Variants in LYZL4 observed in about 807,000 individuals in gnomAD.
LYZL4 encodes the protein lysozyme like 4.
LYZL4 carries 13 observed loss-of-function variants against 17.6 expected under a neutral mutation model. The ratio of observed to expected loss-of-function variants is 0.74; its 90% CI spans 0.48 to 1.18. The LOEUF (loss-of-function observed/expected upper bound fraction) is 1.18, where lower values mean the gene tolerates loss of function less well. Ranked by LOEUF, LYZL4 falls within the 50% of genes most tolerant of loss-of-function variation. LYZL4 has a pLI of 0.00. For missense variants in LYZL4, 174 were observed against 188.2 expected, an observed-to-expected ratio of 0.92 and a Z score of 0.44; for synonymous variants, 64 against 67.7, an observed-to-expected ratio of 0.95 and a Z score of 0.27.
chr3:42,369,779 T>C, the LYZL4 span, among the ~76,000 whole-genome samples: 1 of 152,140 alleles, frequency 6.6e-6, no homozygotes, highest in Non-Finnish European at 1.5e-5. Context: ...CATGATCTGA[T>C]CTCTTGGGAC....
chr3:42,366,321 C>T, the LYZL4 span, among the ~76,000 whole-genome samples: 1 of 152,174 alleles, frequency 6.6e-6, no homozygotes. Flanking sequence ...AGCCACTGCC[C>T]ATTGCCAGAA....
At chr3:42,407,996 G>A (rs545814785) in intron 1 of LYZL4, among the ~76,000 whole-genome samples, 18 of 152,188 alleles carry the variant, frequency 1.2e-4, no homozygotes, top group South Asian at 2.1e-4. Context: ...GGAGGGGAGC[G>A]CACTCAGAGA....
chr3:42,407,319 G>C lies in LYZL4; in HGVS notation c.-68C>G. 7.5e-6 allele frequency: 12 copies of C among 1,606,318 alleles called. No individual in the cohort carries two copies. Among genetic ancestry groups the C allele is most frequent in the Non-Finnish European group, 1.0e-5 (12 of 1,176,570 alleles). Reference sequence around the variant, plus strand: ...GAGTGGGTGGAGTCACAGGGACACTGGTTCTCTGAAGGGAAAGAAGGGCAC... The same window carrying C: ...GAGTGGGTGGAGTCACAGGGACACTCGTTCTCTGAAGGGAAAGAAGGGCAC... On this transcript the variant is annotated 5_prime_UTR_variant, in exon 2 of 5. Coordinates refer to ENST00000287748, the MANE Select transcript of LYZL4 (RefSeq NM_144634.4).
At chr3:42,362,927 A>G in the LYZL4 span, among the ~76,000 whole-genome samples, 4 of 152,186 alleles carry the variant, frequency 2.6e-5, no homozygotes, top group Non-Finnish European at 5.9e-5. Flanking sequence ...CTAACACTAC[A>G]TATCTCCTGA....
the LYZL4 span, among the ~76,000 whole-genome samples, chr3:42,360,779 AG>A: frequency 5.2e-4 from 77 of 149,444 alleles, no homozygotes; most frequent in Non-Finnish European, 9.0e-4. Context: ...ATTTATATGC[AG>A]TTTTTTTTTT....
chr3:42,366,886 T>C, the LYZL4 span, among the ~76,000 whole-genome samples: 1 of 152,210 alleles, frequency 6.6e-6, no homozygotes, highest in Admixed American at 6.5e-5. Flanking sequence ...CACACTGGTG[T>C]CTGTGTCTGT....
the LYZL4 span, among the ~76,000 whole-genome samples, chr3:42,372,026 T>C: frequency 1.3e-5 from 2 of 152,202 alleles, no homozygotes; most frequent in South Asian, 4.1e-4. Context: ...CCTGCCTCTG[T>C]GGGCTGGAGC....
intron 1 of LYZL4, among the ~76,000 whole-genome samples, chr3:42,409,183 A>G (rs906384875): frequency 6.6e-6 from 1 of 152,186 alleles, no homozygotes; most frequent in South Asian, 2.1e-4. Context: ...TCTTAGACAA[A>G]TTGCTCAACC....
chr3:42,400,216 C>T (rs951214779), intron 4 of LYZL4, among the ~76,000 whole-genome samples: 1 of 152,142 alleles, frequency 6.6e-6, no homozygotes, highest in South Asian at 2.1e-4. Flanking sequence ...TCTCCCCCAC[C>T]ACCCTACACT....
the LYZL4 span, among the ~76,000 whole-genome samples, chr3:42,386,245 G>A: frequency 6.6e-6 from 1 of 152,146 alleles, no homozygotes; most frequent in Non-Finnish European, 1.5e-5. Flanking sequence ...TGGGATTACA[G>A]GCACCTGCCA....
At chr3:42,396,206 A>G (rs1436737332), downstream of LYZL4, among the ~76,000 whole-genome samples, 1 of 152,238 alleles carries the variant, frequency 6.6e-6, no homozygotes, top group Admixed American at 6.5e-5. Flanking sequence ...CATGTGACTG[A>G]CAGGCTTTCT....
the LYZL4 span, among the ~76,000 whole-genome samples, chr3:42,387,583 G>GCCGCAACATTCCCGCTTTGACGATT: frequency 6.6e-6 from 1 of 151,716 alleles, no homozygotes; most frequent in Admixed American, 6.6e-5. Context: ...ACCCCTCATC[G>GCCGCAACATTCCCGCTTTGACGATT]CCGTCCCTGC....
chr3:42,386,773 T>C, the LYZL4 span, among the ~76,000 whole-genome samples: 1 of 152,218 alleles, frequency 6.6e-6, no homozygotes, highest in Non-Finnish European at 1.5e-5. Context: ...TTTGGTTTCT[T>C]ATTTCTCAGA....
At chr3:42,389,405 G>A in the LYZL4 span, among the ~76,000 whole-genome samples, 1 of 152,290 alleles carries the variant, frequency 6.6e-6, no homozygotes, top group East Asian at 1.9e-4. Flanking sequence ...AGAAGCAGCA[G>A]CCACTTTCTG....
At chr3:42,366,277 T>C in the LYZL4 span, among the ~76,000 whole-genome samples, 1 of 152,142 alleles carries the variant, frequency 6.6e-6, no homozygotes, top group East Asian at 1.9e-4. Context: ...ACCTGATCTT[T>C]TCAGAATCCA....
chr3:42,361,888 A>G, the LYZL4 span, among the ~76,000 whole-genome samples: 19,490 of 152,136 alleles, frequency 0.13, 2,977 homozygotes, highest in African/African-American at 0.36. Context: ...TGCAGTTATT[A>G]CAAATGATGA....
chr3:42,407,428 C>A, intron 1 of LYZL4, 85 bp from the exon 2 acceptor site: 1 of 753,016 alleles, frequency 1.3e-6, no homozygotes, highest in Non-Finnish European at 2.1e-6. Flanking sequence ...TCTTCCCATC[C>A]TAATTCTCTG....
chr3:42,378,521 C>G, the LYZL4 span, among the ~76,000 whole-genome samples: 21 of 152,208 alleles, frequency 1.4e-4, no homozygotes, highest in Non-Finnish European at 2.5e-4. Flanking sequence ...GTCCCCAAGT[C>G]TCCACCACTG....
At chr3:42,400,452 T>C (rs1698634862) in intron 4 of LYZL4, among the ~76,000 whole-genome samples, 1 of 152,220 alleles carries the variant, frequency 6.6e-6, no homozygotes. Context: ...TTTCTCATTT[T>C]GAAAATGAAG....
Sources: gnomAD v4.1 joint callset for allele counts (sites outside exome capture counted in the v4.1 genomes callset) on GRCh38, gnomAD v4.1.1 for gene constraint, MANE v1.5 for transcripts, NCBI Gene and HGNC (gene_info 2026-07-23, HGNC 2026-07-21) for gene names.